RHOBTB1: variants seen among roughly 807,000 people sequenced by gnomAD.
The protein encoded by RHOBTB1 is Rho related BTB domain containing 1.
A neutral mutation model predicts 71.6 loss-of-function variants in RHOBTB1; 40 were observed. That is an observed-to-expected ratio of 0.56 (90% CI 0.43 to 0.73). The LOEUF (loss-of-function observed/expected upper bound fraction) is 0.73, where lower values mean the gene tolerates loss of function less well. RHOBTB1 is among the 30% of genes least tolerant of loss of function. The probability of loss-of-function intolerance (pLI) is 0.00; values close to 1 mark genes in which losing one functional copy is unlikely to be tolerated. For synonymous variants in RHOBTB1, 319 were observed against 334.9 expected (o/e 0.95, Z 0.52); for missense variants, 797 against 894.0 (o/e 0.89, Z 1.38).
intron 2 of RHOBTB1, among the ~76,000 whole-genome samples, chr10:60,958,003 T>C (rs1052778224): frequency 1.2e-4 from 19 of 152,208 alleles, no homozygotes; most frequent in Admixed American, 9.2e-4. Context: ...CAGACACCAC[T>C]TGTGAGTGTC....
chr10:60,912,227 A>ATGTGTATATATATATGTGTGTATATTC (rs2083026617), intron 2 of RHOBTB1, among the ~76,000 whole-genome samples: 1 of 151,030 alleles, frequency 6.6e-6, no homozygotes, highest in Non-Finnish European at 1.5e-5. Context: ...ATATATATAC[A>ATGTGTATATATATATGTGTGTATATTC]CACACACATA....
At chr10:60,984,399 T>A (rs961245296) in intron 2 of RHOBTB1, among the ~76,000 whole-genome samples, 1 of 152,228 alleles carries the variant, frequency 6.6e-6, no homozygotes, top group African/African-American at 2.4e-5. Flanking sequence ...ATATGACTAT[T>A]CTGAATGTTC....
intron 4 of RHOBTB1, among the ~76,000 whole-genome samples, chr10:60,898,211 G>A (rs1378856595): frequency 1.3e-5 from 2 of 152,046 alleles, no homozygotes; most frequent in Admixed American, 6.5e-5. Context: ...CTTTGTCACT[G>A]TGCATGAGTC....
At chr10:60,899,614 C>T (rs1392750164) in intron 4 of RHOBTB1, among the ~76,000 whole-genome samples, 2 of 152,144 alleles carry the variant, frequency 1.3e-5, no homozygotes, top group African/African-American at 2.4e-5. Flanking sequence ...CAGGAATGGT[C>T]AAGTCACTTA....
intron 2 of RHOBTB1, among the ~76,000 whole-genome samples, chr10:60,919,868 T>C (rs2083461577): frequency 6.6e-6 from 1 of 152,208 alleles, no homozygotes; most frequent in Non-Finnish European, 1.5e-5. Flanking sequence ...AAACCAACCT[T>C]CTTTTCTACC....
At chr10:60,951,866 G>A (rs1302959921) in intron 2 of RHOBTB1, among the ~76,000 whole-genome samples, 1 of 152,060 alleles carries the variant, frequency 6.6e-6, no homozygotes. Flanking sequence ...AGACCAGCCT[G>A]GTCAACATGA....
intron 8 of RHOBTB1, 42 bp downstream of exon 8, chr10:60,877,866 A>G (rs1335954148): frequency 5.8e-6 from 9 of 1,561,956 alleles, no homozygotes; most frequent in Non-Finnish European, 6.0e-6. Flanking sequence ...TGATTTTGAC[A>G]AATATGACAG....
chr10:60,966,423 G>A (rs1211228512), intron 2 of RHOBTB1, among the ~76,000 whole-genome samples: 2 of 151,468 alleles, frequency 1.3e-5, no homozygotes, highest in Admixed American at 6.6e-5. Flanking sequence ...TAATCCCAGC[G>A]CTTTGGGAGG....
At chr10:60,950,183 GA>G (rs1382694439) in intron 2 of RHOBTB1, among the ~76,000 whole-genome samples, 1 of 152,094 alleles carries the variant, frequency 6.6e-6, no homozygotes, top group Non-Finnish European at 1.5e-5. Context: ...TAGCAGATTG[GA>G]AAACATGTAT....
chr10:60,944,926 G>A (rs541636452), upstream of RHOBTB1, among the ~76,000 whole-genome samples: 1 of 152,312 alleles, frequency 6.6e-6, no homozygotes, highest in African/African-American at 2.4e-5. Flanking sequence ...CCTGCAAATG[G>A]CTGAGTGAGG....
At chr10:60,911,842 G>C (rs1041685951) in intron 2 of RHOBTB1, among the ~76,000 whole-genome samples, 8 of 152,140 alleles carry the variant, frequency 5.3e-5, no homozygotes, top group Non-Finnish European at 1.2e-4. Context: ...GCCTACTGGA[G>C]CTCCATTCAG....
rs114240794 is a variant in RHOBTB1, at chr10:60,939,797, C to A, written c.-11+2007G>T. On this transcript the variant is annotated intron_variant, in intron 2 of 10. Coordinates refer to ENST00000337910, the MANE Select transcript of RHOBTB1 (RefSeq NM_014836.5). ...ATGGCAGAATTTCAAATGTTTCCAG[C>A]CATTTTTAAAGAGGTAAGTCATGCA... Among the ~76,000 whole-genome samples, 945 of 152,198 alleles carry A rather than the reference C, an allele frequency of 6.2e-3. 12 individuals are homozygous for A. The highest frequency in any genetic ancestry group is 0.022 in the African/African-American group (893 of 41,526).
At chr10:60,881,419 T>C (rs78205583) in intron 7 of RHOBTB1, among the ~76,000 whole-genome samples, 3 of 152,224 alleles carry the variant, frequency 2.0e-5, no homozygotes, top group Non-Finnish European at 4.4e-5. Context: ...TGCTCTAAGA[T>C]GTTAGTAATT....
intron 2 of RHOBTB1, among the ~76,000 whole-genome samples, chr10:60,934,832 G>T (rs1026073173): frequency 3.9e-5 from 6 of 152,180 alleles, no homozygotes; most frequent in African/African-American, 1.4e-4. Flanking sequence ...ATTGTAAAGA[G>T]CCAGGAGAAC....
At chr10:60,920,820 A>G (rs1215268647) in intron 2 of RHOBTB1, among the ~76,000 whole-genome samples, 2 of 151,284 alleles carry the variant, frequency 1.3e-5, no homozygotes, top group Non-Finnish European at 2.9e-5. Flanking sequence ...ATGCCCGGCT[A>G]ATTTTTTGTA....
intron 5 of RHOBTB1, among the ~76,000 whole-genome samples, chr10:60,891,724 A>G (rs1237295789): frequency 6.6e-6 from 1 of 152,170 alleles, no homozygotes; most frequent in East Asian, 1.9e-4. Context: ...AAAAAAACAT[A>G]AAAAGTTGTT....
chr10:60,993,953 G>C (rs1259152686), intron 1 of RHOBTB1, among the ~76,000 whole-genome samples: 2 of 151,988 alleles, frequency 1.3e-5, no homozygotes, highest in African/African-American at 4.8e-5. Context: ...TAGAGCTGAG[G>C]TTCTTAGCCT....
intron 2 of RHOBTB1, among the ~76,000 whole-genome samples, chr10:60,940,874 C>A (rs572399420): frequency 6.6e-6 from 1 of 152,272 alleles, no homozygotes; most frequent in Middle Eastern, 3.4e-3. Context: ...AGCCTTCTGG[C>A]AAGTATAATC....
downstream of RHOBTB1, among the ~76,000 whole-genome samples, chr10:60,865,607 A>G (rs1030007773): frequency 6.6e-6 from 1 of 152,212 alleles, no homozygotes; most frequent in African/African-American, 2.4e-5. Context: ...CAATCAGGGA[A>G]GCCTCTTGAA....
Sources: gnomAD v4.1 joint callset for allele counts (sites outside exome capture counted in the v4.1 genomes callset) on GRCh38, gnomAD v4.1.1 for gene constraint, MANE v1.5 for transcripts, NCBI Gene and HGNC (gene_info 2026-07-23, HGNC 2026-07-21) for gene names.